The following CDH11 variants were observed in gnomAD, a reference collection of about 807,000 sequenced individuals.
The protein encoded by CDH11 is cadherin-11.
In CDH11, 11 loss-of-function variants were observed where a neutral mutation model predicts 67.8. The observed-to-expected ratio is 0.16, with a 90% confidence interval of 0.10 to 0.27. CDH11 has a LOEUF of 0.27. Ranked by LOEUF, CDH11 falls within the 10% of genes least tolerant of loss-of-function variation. The pLI is 1.00. For missense variants in CDH11, 847 were observed against 1,031.2 expected (o/e 0.82, Z 2.45); for synonymous variants, 419 against 400.0 (o/e 1.05, Z -0.57).
chr16:65,109,337 C>T (rs865978873), intron 1 of CDH11, among the ~76,000 whole-genome samples: 4 of 152,174 alleles, frequency 2.6e-5, no homozygotes, highest in Non-Finnish European at 2.9e-5. Flanking sequence ...GCAGACTTCA[C>T]TCCCTGAAAG....
intron 1 of CDH11, among the ~76,000 whole-genome samples, chr16:65,111,507 CAAAT>C (rs888020599): frequency 3.0e-4 from 45 of 150,776 alleles, no homozygotes; most frequent in African/African-American, 9.7e-4. Flanking sequence ...AAGAAATAAA[CAAAT>C]AAACTGTGGA....
At chr16:64,998,014 G>A (rs1276934089) in intron 4 of CDH11, among the ~76,000 whole-genome samples, 1 of 152,126 alleles carries the variant, frequency 6.6e-6, no homozygotes, top group Non-Finnish European at 1.5e-5. Flanking sequence ...CTAATTCTTT[G>A]AATAAATCCT....
intron 1 of CDH11, among the ~76,000 whole-genome samples, chr16:65,075,683 T>G (rs1461168176): frequency 6.6e-6 from 1 of 152,222 alleles, no homozygotes; most frequent in East Asian, 1.9e-4. Context: ...TCTCCTCTGA[T>G]GAAGCAGGCA....
chr16:65,098,247 C>T (rs546942240), intron 1 of CDH11, among the ~76,000 whole-genome samples: 1 of 152,292 alleles, frequency 6.6e-6, no homozygotes, highest in African/African-American at 2.4e-5. Flanking sequence ...ATCCCTCTCC[C>T]TGTTAATCCT....
rs148395832 is a variant in CDH11, at chr16:65,004,831, G to A, written c.39C>T (p.Cys13=). The change falls in exon 3 of 13, where the codon TGC becomes TGT. Residue 13 remains cysteine (C), a synonymous_variant. Transcript: ENST00000268603. ...ENYCLQAALV[C]LGMLCHSHAF... ...CATGGCTGTGGCACAGCATGCCCAG[G>A]CACACCAGGGCGGCTTGTAAACAGT... is the stretch of plus-strand genomic sequence containing the variant. 5.0e-5 allele frequency: 79 copies of A among 1,571,740 alleles called. No homozygotes were observed. Among genetic ancestry groups the A allele is most frequent in the Non-Finnish European group, 6.5e-5 (75 of 1,158,384 alleles).
chr16:65,069,491 T>C (rs1036544079), intron 1 of CDH11, among the ~76,000 whole-genome samples: 3 of 152,150 alleles, frequency 2.0e-5, no homozygotes, highest in Non-Finnish European at 4.4e-5. Context: ...AGTACCTCTT[T>C]TGCAACATAG....
At chr16:64,988,133 G>T (rs138171969) in intron 7 of CDH11, 24 bp downstream of exon 7, 1 of 1,579,198 alleles carries the variant, frequency 6.3e-7, no homozygotes, top group East Asian at 2.3e-5. Flanking sequence ...CCACTGACAC[G>T]TCTGATTCCT....
intron 1 of CDH11, among the ~76,000 whole-genome samples, chr16:65,077,989 T>C (rs950395660): frequency 2.6e-5 from 4 of 152,244 alleles, no homozygotes; most frequent in Non-Finnish European, 5.9e-5. Flanking sequence ...TTTTCTGAAG[T>C]AGAGGGTAGC....
At chr16:65,117,848 T>G (rs1292277155) in intron 1 of CDH11, among the ~76,000 whole-genome samples, 3 of 148,298 alleles carry the variant, frequency 2.0e-5, no homozygotes. Flanking sequence ...CCCAGATCAC[T>G]GTCTCAGTGA....
intron 1 of CDH11, among the ~76,000 whole-genome samples, chr16:65,086,723 C>T (rs1020377733): frequency 6.6e-6 from 1 of 152,160 alleles, no homozygotes; most frequent in Non-Finnish European, 1.5e-5. Context: ...CTAGAAACTT[C>T]CTTTGAAACG....
At chr16:64,989,156 TA>T (rs1264026565) in intron 6 of CDH11, among the ~76,000 whole-genome samples, 1 of 151,698 alleles carries the variant, frequency 6.6e-6, no homozygotes, top group Non-Finnish European at 1.5e-5. Flanking sequence ...GAAAATAAAG[TA>T]GGGTAAAAGG....
Position 64,947,807 on chromosome 16 carries a change from G to T in CDH11, c.2187C>A (p.Asp729Glu), listed in dbSNP as rs149004152. 2.9e-5 allele frequency: 47 copies of T among 1,614,052 alleles called. No homozygotes were observed. Among genetic ancestry groups the T allele is most frequent in the Non-Finnish European group, 3.8e-5 (45 of 1,180,024 alleles). The change falls in exon 13 of 13, where the codon GAC becomes GAA. Residue 729 changes from aspartate (D) to glutamate (E), a missense_variant. By Grantham distance (45) the Asp-to-Glu change is conservative. Transcript: ENST00000268603. ...DFINTRIQEA[D>E]NDPTAPPYDS... is the part of the protein sequence containing the mutation. ...CATAAGGAGGAGCCGTGGGGTCATT[G>T]TCTGCCTCCTGTATTCTCGTGTTGA...
At chr16:65,083,724 G>GGGGTGGCTGACATCAC (rs2074649764) in intron 1 of CDH11, among the ~76,000 whole-genome samples, 1 of 152,200 alleles carries the variant, frequency 6.6e-6, no homozygotes, top group Non-Finnish European at 1.5e-5. Flanking sequence ...TCAGACATCA[G>GGGGTGGCTGACATCAC]GGGTGGCTGA....
In CDH11 at chr16:65,072,415, C is replaced by T. The variant is rs144491236; in HGVS notation, c.-297-18487G>A. Among the ~76,000 whole-genome samples, 460 of 152,336 alleles carry T rather than the reference C, an allele frequency of 3.0e-3. 2 individuals carry two copies. Among genetic ancestry groups the T allele is most frequent in the Middle Eastern group, 6.8e-3 (2 of 294 alleles). ...GCAGGATCACATTGTGCCCACCAGG[C>T]TCATGGTACCCCCAGCCCACGGCAG... On this transcript the variant is annotated intron_variant, in intron 1 of 12. Coordinates refer to ENST00000268603, the MANE Select transcript of CDH11 (RefSeq NM_001797.4).
rs2075334937 is a variant in CDH11 at position 65,121,765 on chromosome 16, C to A, written c.-298+115G>T. 4.3e-6 allele frequency: 3 copies of A among 696,866 alleles called. No homozygotes were observed. The highest frequency in any genetic ancestry group is 3.5e-5 in the African/African-American group (2 of 57,026). 43.2% of individuals were successfully genotyped at this position (696,866 alleles called of 1,614,324 possible). On this transcript the variant is annotated intron_variant, in intron 1 of 12. Coordinates refer to ENST00000268603, the MANE Select transcript of CDH11 (RefSeq NM_001797.4). The surrounding 1 kb of genome is among the most constrained non-coding windows in gnomAD (Gnocchi z 4.1). The stretch of plus-strand genomic sequence containing the variant: ...AGTGAAGCCTTCTCGACTCAGATAC[C>A]ACCGTCCCCCTCACCACCCCGCCCC...
At chr16:65,107,402 A>G (rs528579394) in intron 1 of CDH11, among the ~76,000 whole-genome samples, 4 of 152,308 alleles carry the variant, frequency 2.6e-5, no homozygotes, top group African/African-American at 9.6e-5. Flanking sequence ...ATCAGCTATT[A>G]TAACAATGCT....
chr16:65,116,755 TAG>T (rs71828602), intron 1 of CDH11, among the ~76,000 whole-genome samples: 32 of 149,606 alleles, frequency 2.1e-4, no homozygotes, highest in Admixed American at 2.7e-4. Context: ...TTAATAAGGA[TAG>T]AGAGAGAGAG....
intron 1 of CDH11, among the ~76,000 whole-genome samples, chr16:65,076,152 G>A (rs1209558344): frequency 6.6e-6 from 1 of 152,152 alleles, no homozygotes; most frequent in Non-Finnish European, 1.5e-5. Context: ...GTTTCAGCAA[G>A]AGGATCCCAA....
chr16:65,071,752 G>T (rs2074420841), intron 1 of CDH11, among the ~76,000 whole-genome samples: 1 of 152,210 alleles, frequency 6.6e-6, no homozygotes, highest in African/African-American at 2.4e-5. Context: ...GGCTCTGGCA[G>T]CAGCAACCAG....
Sources: allele counts gnomAD v4.1 joint callset (sites outside exome capture counted in the v4.1 genomes callset), GRCh38; gene constraint gnomAD v4.1.1; non-coding constraint Gnocchi (gnomAD v3.1); transcripts MANE v1.5; gene names NCBI Gene and HGNC (gene_info 2026-07-23, HGNC 2026-07-21).